The following METTL8 variants were observed in gnomAD, a reference collection of about 807,000 sequenced individuals.
METTL8 encodes the protein methyltransferase 8, tRNA N3-cytidine, also known as tRNA N(3)-cytidine methyltransferase METTL8, mitochondrial.
METTL8 carries 32 observed loss-of-function variants against 48.7 expected under a neutral mutation model. That is an observed-to-expected ratio of 0.66 (90% CI 0.50 to 0.88). The LOEUF (loss-of-function observed/expected upper bound fraction) is 0.88. Among genes scored for constraint, METTL8 ranks in the 40% least tolerant of loss-of-function variants. The pLI is 0.00. For synonymous variants in METTL8, 136 were observed against 157.1 expected, an observed-to-expected ratio of 0.87 and a Z score of 1.01; for missense variants, 464 against 474.4, an observed-to-expected ratio of 0.98 and a Z score of 0.20.
In METTL8 at chr2:171,316,084, C is replaced by T. The variant is rs898768552; in HGVS notation, c.*8088G>A. On this transcript the variant is annotated 3_prime_UTR_variant, in exon 10 of 10. Transcript: ENST00000375258. ...CTCGTGCACATGATCAGCTTTTGCA[C>T]ATGCTTGGAGGAAAAACAACACTAT... 1.3e-5 allele frequency among the ~76,000 whole-genome samples: 2 copies of T among 152,198 alleles called. No homozygotes were observed. The highest frequency in any genetic ancestry group is 6.5e-5 in the Admixed American group (1 of 15,276).
chr2:171,418,238 C>T (rs536811324), intron 1 of METTL8, among the ~76,000 whole-genome samples: 2 of 152,194 alleles, frequency 1.3e-5, no homozygotes, highest in African/African-American at 2.4e-5. Context: ...CCACCGCACC[C>T]GGCCATGTCA....
chr2:171,357,817 C>T (rs1684749331), intron 3 of METTL8, among the ~76,000 whole-genome samples: 1 of 152,056 alleles, frequency 6.6e-6, no homozygotes, highest in South Asian at 2.1e-4. Context: ...GCTGCAGCCC[C>T]CTGAGTAGCT....
At chr2:171,375,596 C>T (rs1686879701) in intron 2 of METTL8, among the ~76,000 whole-genome samples, 1 of 152,156 alleles carries the variant, frequency 6.6e-6, no homozygotes, top group Admixed American at 6.5e-5. Context: ...TGCTTATTTA[C>T]CATCTGTATA....
rs574054330 is a variant in METTL8 at position 171,391,592 on chromosome 2, G to A, written c.143+451C>T. Among the ~76,000 whole-genome samples, 16 of 152,318 alleles carry A rather than the reference G, an allele frequency of 1.1e-4. No individual in the cohort carries two copies. In the South Asian group the frequency reaches 3.3e-3, roughly 32 times the overall value. On this transcript the variant is annotated intron_variant, in intron 2 of 9. Transcript: ENST00000375258. ...CTGTAAATATCTATCTTTCCAAATA[G>A]GGTGGATTCCCTGAAAGCATAGACG... is the stretch of plus-strand genomic sequence containing the variant.
chr2:171,415,518 A>G (rs1691228656), intron 1 of METTL8, among the ~76,000 whole-genome samples: 1 of 151,708 alleles, frequency 6.6e-6, no homozygotes, highest in African/African-American at 2.4e-5. Flanking sequence ...TGCCTGGCTA[A>G]TTTTTGTATT....
At position 171,431,037 on chromosome 2, in the gene METTL8, T is replaced by C. The variant is rs1692958604; in HGVS notation, c.-13+2846A>G. On this transcript the variant is annotated intron_variant, in intron 1 of 9. Transcript: ENST00000375258. ...TGCCAGAAGAGAGGCCAAACTACTTTGGGTGGGGGACCACCCTTGCGTCCC... is the reference window on the plus strand; with the variant it reads ...TGCCAGAAGAGAGGCCAAACTACTTCGGGTGGGGGACCACCCTTGCGTCCC... 2.0e-5 allele frequency among the ~76,000 whole-genome samples: 3 copies of C among 152,174 alleles called. No homozygotes were observed. The South Asian group carries it at 6.2e-4, about 32-fold the overall frequency.
At chr2:171,404,990 G>A (rs1456036846) in intron 1 of METTL8, among the ~76,000 whole-genome samples, 3 of 152,184 alleles carry the variant, frequency 2.0e-5, no homozygotes, top group African/African-American at 7.2e-5. Context: ...AGATGTAAAA[G>A]TTGTGTGCAG....
intron 2 of METTL8, among the ~76,000 whole-genome samples, chr2:171,369,329 A>C (rs1686059107): frequency 6.6e-6 from 1 of 151,928 alleles, no homozygotes; most frequent in African/African-American, 2.4e-5. Flanking sequence ...CAACAAAAAA[A>C]CTCCTCTCCT....
intron 3 of METTL8, among the ~76,000 whole-genome samples, chr2:171,353,848 T>C (rs1421493124): frequency 1.3e-5 from 2 of 152,206 alleles, no homozygotes; most frequent in Admixed American, 6.5e-5. Context: ...TGAGCCTATG[T>C]GTGTCTCTGC....
intron 9 of METTL8, 23 bp downstream of exon 9, chr2:171,325,818 T>C: frequency 2.8e-6 from 4 of 1,417,062 alleles, no homozygotes; most frequent in South Asian, 1.3e-5. Flanking sequence ...TGACCAATTA[T>C]TTCCTTTTGT....
At chr2:171,365,163 A>G (rs1204321134) in intron 2 of METTL8, among the ~76,000 whole-genome samples, 3 of 152,288 alleles carry the variant, frequency 2.0e-5, no homozygotes, top group East Asian at 3.9e-4. Context: ...CCCCAAGAGC[A>G]TAACAGCTCC....
intron 2 of METTL8, among the ~76,000 whole-genome samples, chr2:171,367,890 G>A (rs938709413): frequency 3.6e-4 from 55 of 152,188 alleles, no homozygotes; most frequent in African/African-American, 1.1e-3. Flanking sequence ...TCAAACTGTC[G>A]TCCACCCTTT....
At chr2:171,389,477 T>C (rs1024430256) in intron 2 of METTL8, among the ~76,000 whole-genome samples, 15 of 120,950 alleles carry the variant, frequency 1.2e-4, no homozygotes, top group African/African-American at 4.9e-4. Context: ...ACCACACCAC[T>C]GCACTCCAGC....
chr2:171,328,387 ATTGCTTGCCAT>A (rs1409797456), intron 7 of METTL8, among the ~76,000 whole-genome samples: 3 of 152,214 alleles, frequency 2.0e-5, no homozygotes, highest in Admixed American at 6.5e-5. Context: ...GTCTAGCCAA[ATTGCTTGCCAT>A]TTGCTTATGC....
At chr2:171,422,193 A>T (rs1691942915) in intron 1 of METTL8, among the ~76,000 whole-genome samples, 1 of 152,214 alleles carries the variant, frequency 6.6e-6, no homozygotes. Flanking sequence ...CCAGATAGGT[A>T]ACTTGATCTA....
chr2:171,427,280 T>G (rs1692513790), intron 1 of METTL8, among the ~76,000 whole-genome samples: 1 of 152,310 alleles, frequency 6.6e-6, no homozygotes, highest in Middle Eastern at 3.4e-3. Context: ...ATCTCTTACC[T>G]GGACAAATGC....
intron 2 of METTL8, among the ~76,000 whole-genome samples, chr2:171,382,725 AAAAAAAAGAAAG>A (rs1358362969): frequency 6.6e-6 from 1 of 151,930 alleles, no homozygotes; most frequent in Non-Finnish European, 1.5e-5. Flanking sequence ...GTAAAATTTA[AAAAAAAAGAAAG>A]AAAAAAAGAA....
chr2:171,363,623 T>C (rs4667685), intron 2 of METTL8, among the ~76,000 whole-genome samples: 44,705 of 150,698 alleles, frequency 0.3, 7,628 homozygotes, highest in East Asian at 0.65. Context: ...GAACACTAAA[T>C]ATAATATTAA....
chr2:171,373,201 T>C (rs1214813558), intron 2 of METTL8, among the ~76,000 whole-genome samples: 1 of 152,236 alleles, frequency 6.6e-6, no homozygotes, highest in East Asian at 1.9e-4. Flanking sequence ...TGGTATCTCA[T>C]TGTGGTTTTG....
Sources: allele counts gnomAD v4.1 joint callset (sites outside exome capture counted in the v4.1 genomes callset), GRCh38; gene constraint gnomAD v4.1.1; transcripts MANE v1.5; gene names NCBI Gene and HGNC (gene_info 2026-07-23, HGNC 2026-07-21).